ACBD6: variants seen among roughly 807,000 people sequenced by gnomAD.
The protein encoded by ACBD6 is acyl-CoA binding domain containing 6.
In ACBD6, 28 loss-of-function variants were observed where a neutral mutation model predicts 37.2. The ratio of observed to expected loss-of-function variants is 0.75; its 90% CI spans 0.56 to 1.03. The LOEUF (loss-of-function observed/expected upper bound fraction) is 1.03. ACBD6 is among the 50% of genes least tolerant of loss of function. The pLI, the probability that ACBD6 is intolerant of heterozygous loss-of-function variation, is 0.00. For missense variants in ACBD6, 340 were observed against 337.4 expected, an observed-to-expected ratio of 1.01 and a Z score of -0.06; for synonymous variants, 113 against 126.8, an observed-to-expected ratio of 0.89 and a Z score of 0.73.
intron 3 of ACBD6, among the ~76,000 whole-genome samples, chr1:180,450,930 T>G (rs1649680380): frequency 1.3e-5 from 2 of 151,810 alleles, no homozygotes; most frequent in Non-Finnish European, 2.9e-5. Flanking sequence ...ACAACTGGAG[T>G]TCTTCAAAAA....
rs111637256 is a variant in ACBD6 at position 180,347,382 on chromosome 1, T to C, written c.664-32660A>G. Among the ~76,000 whole-genome samples, 341 of 147,374 alleles carry C rather than the reference T, an allele frequency of 2.3e-3. 1 individual carries two copies. Among genetic ancestry groups the C allele is most frequent in the Non-Finnish European group, 4.3e-3 (292 of 67,338 alleles). ...AAAGTTTTTTTTTTTTTTTTTTTTTTGAGACAGAGTCATGCTTTGTCGGCT... is the reference window on the plus strand; with the variant it reads ...AAAGTTTTTTTTTTTTTTTTTTTTTCGAGACAGAGTCATGCTTTGTCGGCT... On this transcript the variant is annotated intron_variant, in intron 6 of 7. Coordinates refer to ENST00000367595, the MANE Select transcript of ACBD6 (RefSeq NM_032360.4).
Position 180,315,112 on chromosome 1 carries a change from T to C in ACBD6, c.664-390A>G, listed in dbSNP as rs375456514. Among the ~76,000 whole-genome samples, 9 of 152,216 alleles carry C rather than the reference T, an allele frequency of 5.9e-5. No individual in the cohort carries two copies. In the East Asian group the frequency reaches 1.5e-3, roughly 26 times the overall value. On this transcript the variant is annotated intron_variant, in intron 6 of 7. Transcript: ENST00000367595. Reference sequence around the variant, plus strand: ...TTTCCTAAGCTTGTCCCCAAATCTATCTAGCGATTCTGTGATTTATAGTGG... The same window carrying C: ...TTTCCTAAGCTTGTCCCCAAATCTACCTAGCGATTCTGTGATTTATAGTGG...
At chr1:180,473,391 G>A (rs1650646368) in intron 3 of ACBD6, among the ~76,000 whole-genome samples, 1 of 147,480 alleles carries the variant, frequency 6.8e-6, no homozygotes, top group Admixed American at 6.9e-5. Context: ...AGCTTGCAGT[G>A]AGCCGAGATC....
At chr1:180,369,724 C>T (rs186382959) in intron 6 of ACBD6, among the ~76,000 whole-genome samples, 1 of 152,150 alleles carries the variant, frequency 6.6e-6, no homozygotes, top group Non-Finnish European at 1.5e-5. Context: ...TAAGTCATGT[C>T]AACATGGGCA....
chr1:180,478,936 C>A, intron 3 of ACBD6, among the ~76,000 whole-genome samples: 1 of 151,966 alleles, frequency 6.6e-6, no homozygotes, highest in African/African-American at 2.4e-5. Context: ...AAGACCAGCC[C>A]AGGCAACATG....
Position 180,394,357 on chromosome 1 carries a change from T to C in ACBD6, c.663+3159A>G, listed in dbSNP as rs1465866452. Among the ~76,000 whole-genome samples the C allele has an allele frequency of 2.5e-4, 38 of 151,552 alleles. 1 individual carries two copies. Among genetic ancestry groups the C allele is most frequent in the Admixed American group, 2.4e-3 (37 of 15,202 alleles). On this transcript the variant is annotated intron_variant, in intron 6 of 7. Coordinates refer to ENST00000367595, the MANE Select transcript of ACBD6 (RefSeq NM_032360.4). ...CTCCTGACTCAGCCCCCTAAAGTGC[T>C]AGAATTACAGGCATGAGCCATCACA... is the stretch of plus-strand genomic sequence containing the variant.
At chr1:180,394,102 G>GT (rs1553302147) in intron 6 of ACBD6, among the ~76,000 whole-genome samples, 2 of 152,136 alleles carry the variant, frequency 1.3e-5, no homozygotes, top group African/African-American at 4.8e-5. Flanking sequence ...CTGTTTTGTT[G>GT]TTTTTTAGAG....
At chr1:180,480,081 G>A (rs957156413) in intron 3 of ACBD6, among the ~76,000 whole-genome samples, 1 of 152,164 alleles carries the variant, frequency 6.6e-6, no homozygotes, top group African/African-American at 2.4e-5. Flanking sequence ...GATAAAAGGT[G>A]GGACTCAAAT....
At chr1:180,362,759 A>G (rs921073785) in intron 6 of ACBD6, among the ~76,000 whole-genome samples, 1 of 152,170 alleles carries the variant, frequency 6.6e-6, no homozygotes, top group Non-Finnish European at 1.5e-5. Flanking sequence ...AATACTACTA[A>G]TTTTAAAAAG....
intron 6 of ACBD6, among the ~76,000 whole-genome samples, chr1:180,384,481 T>G (rs984852079): frequency 6.6e-6 from 1 of 152,160 alleles, no homozygotes; most frequent in Non-Finnish European, 1.5e-5. Context: ...AGAATGGTTA[T>G]TATTAAAAGA....
intron 6 of ACBD6, among the ~76,000 whole-genome samples, chr1:180,364,148 G>C (rs1290852077): frequency 6.6e-6 from 1 of 152,036 alleles, no homozygotes; most frequent in African/African-American, 2.4e-5. Flanking sequence ...GGCTAATATT[G>C]GGCTAATATA....
chr1:180,475,245 G>A (rs772405676), intron 3 of ACBD6, among the ~76,000 whole-genome samples: 1 of 152,142 alleles, frequency 6.6e-6, no homozygotes, highest in Non-Finnish European at 1.5e-5. Flanking sequence ...TGCCACAGTC[G>A]AGATGATGAA....
chr1:180,366,363 C>T (rs542029560), intron 6 of ACBD6, among the ~76,000 whole-genome samples: 178 of 152,208 alleles, frequency 1.2e-3, no homozygotes, highest in African/African-American at 4.1e-3. Context: ...ATGGTGAAGA[C>T]GGTAGGTTTT....
intron 3 of ACBD6, among the ~76,000 whole-genome samples, chr1:180,477,005 T>C (rs1281742745): frequency 1.3e-5 from 2 of 152,156 alleles, no homozygotes; most frequent in African/African-American, 4.8e-5. Flanking sequence ...TATAACATTA[T>C]ACCCCCTTAT....
chr1:180,337,932 A>C lies in ACBD6; in HGVS notation c.664-23210T>G, dbSNP rs12085151. ...CGAAGAGAATAAAATACCTAGGAATACAACTTACAAGGGATGTGAAGGACC... is the reference window on the plus strand; with the variant it reads ...CGAAGAGAATAAAATACCTAGGAATCCAACTTACAAGGGATGTGAAGGACC... On this transcript the variant is annotated intron_variant, in intron 6 of 7. Coordinates refer to ENST00000367595, the MANE Select transcript of ACBD6 (RefSeq NM_032360.4). 7.1e-3 allele frequency among the ~76,000 whole-genome samples: 1,084 copies of C among 152,298 alleles called. 13 individuals are homozygous for C. The highest frequency in any genetic ancestry group is 0.025 in the African/African-American group (1,021 of 41,566).
chr1:180,288,187 C>T (rs1032790456), downstream of ACBD6: 4 of 815,972 alleles, frequency 4.9e-6, no homozygotes, highest in Non-Finnish European at 7.8e-6. Context: ...AACTGTACTG[C>T]CTAGAATGTA....
intron 6 of ACBD6, among the ~76,000 whole-genome samples, chr1:180,359,015 A>T (rs2101901102): frequency 6.6e-6 from 1 of 152,186 alleles, no homozygotes; most frequent in South Asian, 2.1e-4. Flanking sequence ...TGCTGAGGAT[A>T]AAAAAAAGAA....
intron 3 of ACBD6, among the ~76,000 whole-genome samples, chr1:180,481,233 C>A (rs190218490): frequency 7.6e-6 from 1 of 132,178 alleles, no homozygotes; most frequent in South Asian, 2.8e-4. Flanking sequence ...CCCATGAAGG[C>A]GCTTGTTTTT....
intron 3 of ACBD6, among the ~76,000 whole-genome samples, chr1:180,449,615 C>T (rs1180770917): frequency 4.6e-5 from 7 of 151,864 alleles, no homozygotes; most frequent in African/African-American, 1.7e-4. Flanking sequence ...ACCATGTTGG[C>T]CAGGCTGGTC....
Sources: gnomAD v4.1 joint callset for allele counts (sites outside exome capture counted in the v4.1 genomes callset) on GRCh38, gnomAD v4.1.1 for gene constraint, MANE v1.5 for transcripts, NCBI Gene and HGNC (gene_info 2026-07-23, HGNC 2026-07-21) for gene names.